Variants in GPR39 observed in about 807,000 individuals in gnomAD.
The protein encoded by GPR39 is zinc sensing receptor.
GPR39 carries 23 observed loss-of-function variants against 18.4 expected under a neutral mutation model. The observed-to-expected ratio is 1.25, with a 90% CI of 0.90 to 1.77. The LOEUF is 1.77. Among genes scored for constraint, GPR39 ranks in the 40% most tolerant of loss-of-function variants. The probability of loss-of-function intolerance (pLI) is 0.00; values close to 1 mark genes in which losing one functional copy is unlikely to be tolerated. For synonymous variants in GPR39, 280 were observed against 257.9 expected, an observed-to-expected ratio of 1.09 and a Z score of -0.82; for missense variants, 647 against 602.4, an observed-to-expected ratio of 1.07 and a Z score of -0.78.
chr2:132,596,781 C>T (rs1449426064), intron 1 of GPR39, among the ~76,000 whole-genome samples: 2 of 152,142 alleles, frequency 1.3e-5, no homozygotes, highest in Non-Finnish European at 2.9e-5. Context: ...CAAACTGAAC[C>T]CTAGACAAAT....
rs115048594 is a variant in GPR39, at chr2:132,599,715, C to T, written c.857-45386C>T. On this transcript the variant is annotated intron_variant, in intron 1 of 1. Transcript: ENST00000329321. ...TGGGAGCAAGGTGTGGTAGTGAGGG[C>T]GCTGGTGAATTGCCGCCATCTCTGA... Among the ~76,000 whole-genome samples, 1,191 of 152,094 alleles carry T rather than the reference C, an allele frequency of 7.8e-3. 14 individuals are homozygous for T. Among genetic ancestry groups the T allele is most frequent in the African/African-American group, 0.024 (1,015 of 41,518 alleles).
At chr2:132,532,814 C>A (rs568402247) in intron 1 of GPR39, among the ~76,000 whole-genome samples, 2 of 152,174 alleles carry the variant, frequency 1.3e-5, no homozygotes, top group South Asian at 4.2e-4. Context: ...GCTAAAAACC[C>A]TCAATAAATT....
chr2:132,455,729 T>C (rs963473880), intron 1 of GPR39, among the ~76,000 whole-genome samples: 2 of 152,214 alleles, frequency 1.3e-5, no homozygotes, highest in Non-Finnish European at 2.9e-5. Context: ...TGCGTTCATT[T>C]TGTTATGTAC....
At position 132,646,466 on chromosome 2, in the gene GPR39, C is replaced by A; in HGVS notation, c.*860C>A. On this transcript the variant is annotated 3_prime_UTR_variant, in exon 2 of 2. Transcript: ENST00000329321. ...AGATAGATGGTGAAAGAGACAGGCA[C>A]TATTTCATTAGTTTTAACAAAACTG... The A allele has an allele frequency of 7.3e-6, 3 of 409,330 alleles. No individual in the cohort carries two copies. The highest frequency in any genetic ancestry group is 4.3e-6 in the Non-Finnish European group (1 of 232,796). 25.4% of individuals were successfully genotyped at this position (409,330 alleles called of 1,614,324 possible). A position where few individuals can be genotyped will look rare whatever the true frequency, so the allele number is the denominator to read the frequency against.
At chr2:132,539,590 C>T (rs981361425) in intron 1 of GPR39, among the ~76,000 whole-genome samples, 1 of 152,138 alleles carries the variant, frequency 6.6e-6, no homozygotes, top group African/African-American at 2.4e-5. Flanking sequence ...AATAAAGTAC[C>T]TCCTATCCCA....
intron 1 of GPR39, among the ~76,000 whole-genome samples, chr2:132,531,135 C>A (rs1679620013): frequency 6.6e-6 from 1 of 151,964 alleles, no homozygotes; most frequent in Non-Finnish European, 1.5e-5. Flanking sequence ...CACATATAGG[C>A]TCAAAATAAA....
Position 132,464,562 on chromosome 2 carries a change from C to T in GPR39, c.856+46664C>T, listed in dbSNP as rs1287655943. Among the ~76,000 whole-genome samples, 5 of 152,290 alleles carry T rather than the reference C, an allele frequency of 3.3e-5. No homozygotes were observed. In the South Asian group the frequency reaches 6.2e-4, roughly 19 times the overall value. On this transcript the variant is annotated intron_variant, in intron 1 of 1. Coordinates refer to ENST00000329321, the MANE Select transcript of GPR39 (RefSeq NM_001508.3). Reference sequence around the variant, plus strand: ...TAAAAACCTTCAGCACTAAGTCTCTCACTAGCTTCTCAGGGCAGAAACATC... The same window carrying T: ...TAAAAACCTTCAGCACTAAGTCTCTTACTAGCTTCTCAGGGCAGAAACATC...
chr2:132,616,097 T>C (rs1307375728), intron 1 of GPR39, among the ~76,000 whole-genome samples: 2 of 152,196 alleles, frequency 1.3e-5, no homozygotes, highest in African/African-American at 4.8e-5. Flanking sequence ...TTTATTAGCC[T>C]GTAACAAACC....
rs372762614 is a variant in GPR39, at chr2:132,423,246, G to A, written c.856+5348G>A. Among the ~76,000 whole-genome samples, 45 of 150,722 alleles carry A rather than the reference G, an allele frequency of 3.0e-4. 1 individual carries two copies. The highest frequency in any genetic ancestry group is 1.1e-3 in the African/African-American group (44 of 40,278). On this transcript the variant is annotated intron_variant, in intron 1 of 1. Coordinates refer to ENST00000329321, the MANE Select transcript of GPR39 (RefSeq NM_001508.3). ...ATCCTTTCTGCTGCACATTCTTGTAGATGAATAGCTGTCTTCTCATTGTGT... is the reference window on the plus strand; with the variant it reads ...ATCCTTTCTGCTGCACATTCTTGTAAATGAATAGCTGTCTTCTCATTGTGT...
chr2:132,513,659 A>G (rs1679279850), intron 1 of GPR39, among the ~76,000 whole-genome samples: 2 of 152,268 alleles, frequency 1.3e-5, no homozygotes, highest in African/African-American at 4.8e-5. Flanking sequence ...AAGTCTTGTC[A>G]ATTAACATCT....
At chr2:132,428,921 A>G (rs1680175638) in intron 1 of GPR39, among the ~76,000 whole-genome samples, 1 of 152,218 alleles carries the variant, frequency 6.6e-6, no homozygotes, top group South Asian at 2.1e-4. Context: ...TGTTAATCTT[A>G]GTAACATTGG....
intron 1 of GPR39, among the ~76,000 whole-genome samples, chr2:132,570,791 G>A (rs1487812336): frequency 4.6e-5 from 7 of 152,108 alleles, no homozygotes; most frequent in Non-Finnish European, 4.4e-5. Context: ...GAATCTCCCT[G>A]AGGCAGCAGC....
At chr2:132,635,855 C>T (rs72844716) in intron 1 of GPR39, among the ~76,000 whole-genome samples, 3,735 of 152,194 alleles carry the variant, frequency 0.025, 81 homozygotes, top group Non-Finnish European at 0.038. Context: ...AGGAAGAGAG[C>T]TTCTCCCCAC....
At position 132,552,917 on chromosome 2, in the gene GPR39, T is replaced by TAC. The variant is rs58291826; in HGVS notation, c.857-92168_857-92167dup. On this transcript the variant is annotated intron_variant, in intron 1 of 1. Coordinates refer to ENST00000329321, the MANE Select transcript of GPR39 (RefSeq NM_001508.3). ...ATATATATATACACACACATATATA[T>TAC]ACACACACACACACACATATATATA... 7.6e-3 allele frequency among the ~76,000 whole-genome samples: 1,003 copies of TAC among 131,314 alleles called. 5 individuals are homozygous for TAC. Among genetic ancestry groups the TAC allele is most frequent in the Non-Finnish European group, 0.01 (609 of 59,490 alleles). The allele number at this position is 131,314 out of a possible 152,430, so 86.1% of individuals were successfully genotyped here.
rs1679921909 is a variant in GPR39, at chr2:132,417,323, T to C, written c.281T>C (p.Ile94Thr). 5.0e-6 allele frequency: 8 copies of C among 1,614,018 alleles called. No individual in the cohort carries two copies. The highest frequency in any genetic ancestry group is 5.9e-6 in the Non-Finnish European group (7 of 1,180,022). The change falls in exon 1 of 2, where the codon ATC becomes ACC. Residue 94 changes from isoleucine (I) to threonine (T), a missense_variant. By Grantham distance (89) the Ile-to-Thr change is moderately conservative. Transcript: ENST00000329321. ...LIGMPMEFYS[I>T]IWNPLTTSSY... is the part of the protein sequence containing the mutation. The stretch of plus-strand genomic sequence containing the variant: ...GGCATGCCCATGGAGTTCTACAGCA[T>C]CATCTGGAATCCCCTGACCACGTCC...
At chr2:132,488,737 CCT>C (rs1349079850) in intron 1 of GPR39, 3 of 154,114 alleles carry the variant, frequency 1.9e-5, no homozygotes, top group Admixed American at 6.5e-5. Flanking sequence ...TCATTGCTGT[CCT>C]CTCTCGGTCA....
chr2:132,444,733 A>G (rs939570019), intron 1 of GPR39, among the ~76,000 whole-genome samples: 2 of 152,232 alleles, frequency 1.3e-5, no homozygotes, highest in Non-Finnish European at 2.9e-5. Flanking sequence ...TGAAGTGTCC[A>G]GATCTATCAG....
At chr2:132,582,100 C>G (rs1385142111) in intron 1 of GPR39, among the ~76,000 whole-genome samples, 1 of 152,192 alleles carries the variant, frequency 6.6e-6, no homozygotes, top group African/African-American at 2.4e-5. Context: ...GGCCAGCCGT[C>G]TGTCCTCAGG....
At chr2:132,485,067 C>T (rs1201132358) in intron 1 of GPR39, among the ~76,000 whole-genome samples, 1 of 152,140 alleles carries the variant, frequency 6.6e-6, no homozygotes, top group African/African-American at 2.4e-5. Context: ...TACAGGCATA[C>T]CTTGGAGACA....
Sources: allele counts gnomAD v4.1 joint callset (sites outside exome capture counted in the v4.1 genomes callset), GRCh38; gene constraint gnomAD v4.1.1; transcripts MANE v1.5; gene names NCBI Gene and HGNC (gene_info 2026-07-23, HGNC 2026-07-21).